Variants in CNTN4 observed in about 807,000 individuals in gnomAD.
CNTN4 encodes the protein contactin-4.
Under a neutral mutation model 122.5 loss-of-function variants are expected in CNTN4, and 77 were observed. The ratio of observed to expected loss-of-function variants is 0.63; its 90% CI spans 0.52 to 0.76. The LOEUF is 0.76. Among genes scored for constraint, CNTN4 ranks in the 30% least tolerant of loss-of-function variants. The pLI is 0.00. For synonymous variants in CNTN4, 512 were observed against 447.0 expected (o/e 1.15, Z -1.83); for missense variants, 1,256 against 1,259.1 (o/e 1.00, Z 0.04).
intron 4 of CNTN4, among the ~76,000 whole-genome samples, chr3:2,707,963 T>G (rs2086843218): frequency 6.6e-6 from 1 of 152,234 alleles, no homozygotes; most frequent in African/African-American, 2.4e-5. Context: ...ATGTTACTAT[T>G]ACTTCCCATA....
chr3:2,135,219 G>A (rs2034632864), intron 2 of CNTN4, among the ~76,000 whole-genome samples: 1 of 152,154 alleles, frequency 6.6e-6, no homozygotes, highest in Non-Finnish European at 1.5e-5. Context: ...AGATAAAGAG[G>A]AGGAGAGGGC....
chr3:2,327,133 ATGTGTGTGTGTGTGTGTGTTTG>A (rs1430505519), intron 2 of CNTN4, among the ~76,000 whole-genome samples: 1 of 149,452 alleles, frequency 6.7e-6, no homozygotes, highest in Non-Finnish European at 1.5e-5. Context: ...CTGGGAATAG[ATGTGTGTGTGTGTGTGTGTTTG>A]TGTGTGTGTG....
At chr3:2,423,149 G>A (rs757329406) in intron 3 of CNTN4, among the ~76,000 whole-genome samples, 1 of 152,204 alleles carries the variant, frequency 6.6e-6, no homozygotes, top group African/African-American at 2.4e-5. Context: ...TAGAAGTGGT[G>A]TTCCTAAGAA....
chr3:2,659,515 G>A lies in CNTN4; in HGVS notation c.56-76700G>A, dbSNP rs920115944. The stretch of plus-strand genomic sequence containing the variant: ...AAGAAGAAGAAAAAGAAGGAAGAGA[G>A]GGCAAATGTGTATTATCTTATAGGT... On this transcript the variant is annotated intron_variant, in intron 4 of 24. Coordinates refer to ENST00000418658, the MANE Select transcript of CNTN4 (RefSeq NM_175607.3). Among the ~76,000 whole-genome samples the A allele has an allele frequency of 3.3e-5, 5 of 150,580 alleles. 1 individual carries two copies. Among genetic ancestry groups the A allele is most frequent in the African/African-American group, 2.4e-5 (1 of 41,070 alleles).
rs75176721 is a variant in CNTN4 at position 2,190,175 on chromosome 3, C to T, written c.-145+89536C>T. 7.0e-3 allele frequency among the ~76,000 whole-genome samples: 1,065 copies of T among 152,226 alleles called. 14 individuals are homozygous for T. Among genetic ancestry groups the T allele is most frequent in the African/African-American group, 0.024 (1,008 of 41,530 alleles). ...CCTTTGCCCTGCTCAGTCTGTTCCA[C>T]TAGAATGATAATGGGCAAATATTTC... is the stretch of plus-strand genomic sequence containing the variant. On this transcript the variant is annotated intron_variant, in intron 2 of 24. Transcript: ENST00000418658.
intron 2 of CNTN4, among the ~76,000 whole-genome samples, chr3:2,174,345 G>A (rs927236348): frequency 2.6e-5 from 4 of 152,102 alleles, no homozygotes; most frequent in Non-Finnish European, 4.4e-5. Context: ...TTCTCTAACA[G>A]CATAACATAG....
chr3:2,550,771 T>C (rs2078466323), intron 3 of CNTN4, among the ~76,000 whole-genome samples: 1 of 151,994 alleles, frequency 6.6e-6, no homozygotes, highest in South Asian at 2.1e-4. Context: ...TACGTAGCCA[T>C]AAAAAAGGAT....
chr3:2,571,242 A>G (rs1277988862), intron 3 of CNTN4, 174 bp from the exon 4 acceptor site: 1 of 528,596 alleles, frequency 1.9e-6, no homozygotes, highest in Non-Finnish European at 3.4e-6. Flanking sequence ...ATCTGCAAGA[A>G]AAAAATAGGA....
intron 6 of CNTN4, among the ~76,000 whole-genome samples, chr3:2,818,933 G>A (rs193265888): frequency 6.6e-6 from 1 of 152,094 alleles, no homozygotes; most frequent in Non-Finnish European, 1.5e-5. Context: ...TCACACTCTG[G>A]GTATATATGG....
At chr3:2,459,721 C>A (rs903879840) in intron 3 of CNTN4, among the ~76,000 whole-genome samples, 4 of 152,018 alleles carry the variant, frequency 2.6e-5, no homozygotes, top group African/African-American at 9.7e-5. Context: ...TTTATTAGAC[C>A]ACTATGGCTG....
intron 4 of CNTN4, among the ~76,000 whole-genome samples, chr3:2,659,984 T>G (rs1314369988): frequency 6.6e-6 from 1 of 152,220 alleles, no homozygotes; most frequent in Non-Finnish European, 1.5e-5. Flanking sequence ...TATTTCTGTT[T>G]GTCTTTTATT....
intron 13 of CNTN4, among the ~76,000 whole-genome samples, chr3:2,981,380 CT>C: frequency 6.6e-6 from 1 of 151,324 alleles, no homozygotes. Context: ...GGAGTTGGAG[CT>C]TGCAGTGAGC....
intron 4 of CNTN4, among the ~76,000 whole-genome samples, chr3:2,705,590 A>T (rs1340591208): frequency 4.7e-5 from 3 of 63,894 alleles, no homozygotes; most frequent in Non-Finnish European, 7.3e-5. Context: ...TATATATATA[A>T]AATTTATATA....
At chr3:2,412,290 T>C (rs1318095956) in intron 3 of CNTN4, among the ~76,000 whole-genome samples, 1 of 152,024 alleles carries the variant, frequency 6.6e-6, no homozygotes, top group Admixed American at 6.6e-5. Context: ...TCACTCTTGT[T>C]GCCCAGGCTG....
At chr3:2,169,979 G>A (rs2036397716) in intron 2 of CNTN4, among the ~76,000 whole-genome samples, 2 of 151,974 alleles carry the variant, frequency 1.3e-5, no homozygotes, top group Admixed American at 1.3e-4. Flanking sequence ...TACATGATGA[G>A]AGATAAGATA....
At chr3:2,317,393 C>T (rs761045097) in intron 2 of CNTN4, among the ~76,000 whole-genome samples, 1 of 152,226 alleles carries the variant, frequency 6.6e-6, no homozygotes, top group South Asian at 2.1e-4. Flanking sequence ...AAAATAATAA[C>T]CAAAACACTC....
rs560898320 is a variant in CNTN4 at position 2,955,937 on chromosome 3, T to A, written c.1358+30158T>A. The stretch of plus-strand genomic sequence containing the variant: ...TTACCATATGATTGAACAATTCCAC[T>A]TGTAGAGATTACTCCAGAATTAAAA... On this transcript the variant is annotated intron_variant, in intron 13 of 24. Coordinates refer to ENST00000418658, the MANE Select transcript of CNTN4 (RefSeq NM_175607.3). Among the ~76,000 whole-genome samples, 3 of 152,322 alleles carry A rather than the reference T, an allele frequency of 2.0e-5. No individual in the cohort carries two copies. The South Asian group carries it at 6.2e-4, about 32-fold the overall frequency.
intron 4 of CNTN4, among the ~76,000 whole-genome samples, chr3:2,694,593 G>T (rs935311300): frequency 6.6e-6 from 1 of 152,178 alleles, no homozygotes. Context: ...AGCTGGGCAT[G>T]GTGGCAGATG....
intron 3 of CNTN4, among the ~76,000 whole-genome samples, chr3:2,523,435 G>A (rs58061162): frequency 0.014 from 2,098 of 151,238 alleles, 68 homozygotes; most frequent in African/African-American, 0.047. Flanking sequence ...AGATAGAACA[G>A]TTTTTCAGAA....
Sources: allele counts gnomAD v4.1 joint callset (sites outside exome capture counted in the v4.1 genomes callset), GRCh38; gene constraint gnomAD v4.1.1; transcripts MANE v1.5; gene names NCBI Gene and HGNC (gene_info 2026-07-23, HGNC 2026-07-21).